EGF: variants seen among roughly 807,000 people sequenced by gnomAD.
EGF encodes the protein pro-epidermal growth factor.
EGF carries 95 observed loss-of-function variants against 143.8 expected under a neutral mutation model. That is an observed-to-expected ratio of 0.66 (90% CI 0.56 to 0.78). EGF has a LOEUF of 0.78. EGF is among the 30% of genes least tolerant of loss of function. The pLI is 0.00. For missense variants in EGF, 1,320 were observed against 1,470.9 expected, an observed-to-expected ratio of 0.90 and a Z score of 1.68; for synonymous variants, 510 against 510.5, an observed-to-expected ratio of 1.00 and a Z score of 0.01.
chr4:109,984,992 A>G (rs1171946080), intron 16 of EGF, among the ~76,000 whole-genome samples: 1 of 152,190 alleles, frequency 6.6e-6, no homozygotes. Flanking sequence ...AAAGAATAAA[A>G]TACTTTAAAC....
intron 22 of EGF, among the ~76,000 whole-genome samples, chr4:110,006,521 G>A (rs374680467): frequency 9.2e-5 from 14 of 152,196 alleles, no homozygotes; most frequent in Non-Finnish European, 1.8e-4. Context: ...TTCCACAAGT[G>A]TGTGATTCTA....
At chr4:110,010,528 G>T (rs2126204407) in intron 23 of EGF, among the ~76,000 whole-genome samples, 1 of 152,168 alleles carries the variant, frequency 6.6e-6, no homozygotes, top group African/African-American at 2.4e-5. Context: ...ATGGCTCATT[G>T]CTGTCTTGGC....
rs1452014210 is a variant in EGF at position 109,988,088 on chromosome 4, T to C, written c.2608+228T>C. On this transcript the variant is annotated intron_variant, in intron 17 of 23. Transcript: ENST00000265171. Reference sequence around the variant, plus strand: ...TATAGTAAAATTTATGGTTACACAATATATGCAGTTGTCATTAAGGGGAAG... The same window carrying C: ...TATAGTAAAATTTATGGTTACACAACATATGCAGTTGTCATTAAGGGGAAG... Among the ~76,000 whole-genome samples, 5 of 152,198 alleles carry C rather than the reference T, an allele frequency of 3.3e-5. No homozygotes were observed. The East Asian group carries it at 9.6e-4, about 29-fold the overall frequency.
At position 110,013,625 on chromosome 4, in the gene EGF, A is replaced by T. The variant is rs1174901018; in HGVS notation, c.*2170A>T. ...CTTGATTTGTGTTTTTTCCAGACTG[A>T]ATACTTTTCCTCCCTAACTCTCATC... On this transcript the variant is annotated 3_prime_UTR_variant, in exon 24 of 24. Coordinates refer to ENST00000265171, the MANE Select transcript of EGF (RefSeq NM_001963.6). 1.3e-5 allele frequency among the ~76,000 whole-genome samples: 2 copies of T among 152,108 alleles called. No homozygotes were observed. Among genetic ancestry groups the T allele is most frequent in the Non-Finnish European group, 2.9e-5 (2 of 68,038 alleles).
At chr4:109,935,628 T>C (rs191082550) in intron 1 of EGF, among the ~76,000 whole-genome samples, 256 of 152,348 alleles carry the variant, frequency 1.7e-3, no homozygotes, top group African/African-American at 5.8e-3. Flanking sequence ...CCTTGTCTTA[T>C]ACCAGTGTTC....
At chr4:110,008,852 C>T (rs575819709) in intron 23 of EGF, among the ~76,000 whole-genome samples, 2 of 152,250 alleles carry the variant, frequency 1.3e-5, no homozygotes, top group South Asian at 2.1e-4. Context: ...TATGATCAGC[C>T]TTTTGGTTTT....
At chr4:110,008,266 T>G in intron 23 of EGF, 36 bp downstream of exon 23, 1 of 1,611,878 alleles carries the variant, frequency 6.2e-7, no homozygotes, top group Non-Finnish European at 8.5e-7. Flanking sequence ...TGAATGGTTA[T>G]TTTTACTTAG....
intron 12 of EGF, 35 bp from the exon 13 acceptor site, chr4:109,975,977 C>A: frequency 1.3e-6 from 2 of 1,571,010 alleles, no homozygotes; most frequent in Non-Finnish European, 1.8e-6. Context: ...TTATTTCATG[C>A]AGATATTATT....
intron 6 of EGF, among the ~76,000 whole-genome samples, chr4:109,960,219 A>G (rs1268338560): frequency 6.6e-6 from 1 of 152,228 alleles, no homozygotes; most frequent in Non-Finnish European, 1.5e-5. Context: ...GTTGAAGAGC[A>G]CAATAGGAAA....
chr4:109,982,054 G>A (rs189001608), intron 15 of EGF, among the ~76,000 whole-genome samples: 2 of 151,706 alleles, frequency 1.3e-5, no homozygotes, highest in South Asian at 2.1e-4. Flanking sequence ...CCCTACCTTA[G>A]CCTCCTAGTA....
intron 5 of EGF, among the ~76,000 whole-genome samples, chr4:109,956,967 A>G (rs988694260): frequency 7.9e-5 from 12 of 152,262 alleles, no homozygotes; most frequent in African/African-American, 2.2e-4. Flanking sequence ...GCCTCCTGAC[A>G]TCATAATCAC....
In EGF at chr4:110,011,710, G is replaced by A. The variant is rs1578423648; in HGVS notation, c.*255G>A. The A allele has an allele frequency of 1.8e-6, 1 of 540,750 alleles. No individual in the cohort carries two copies. The highest frequency in any genetic ancestry group is 3.4e-5 in the East Asian group (1 of 29,678). 33.5% of individuals were successfully genotyped at this position (540,750 alleles called of 1,614,324 possible). A position where few individuals can be genotyped will look rare whatever the true frequency, so the allele number is the denominator to read the frequency against. ...ATTAGAAACCCAAATTGGGACAACA[G>A]TGCTTTGTAAATTGTGTTGTCTTCA... On this transcript the variant is annotated 3_prime_UTR_variant, in exon 24 of 24. Transcript: ENST00000265171.
intron 5 of EGF, among the ~76,000 whole-genome samples, chr4:109,949,547 T>C (rs1265098818): frequency 1.3e-5 from 2 of 152,180 alleles, no homozygotes; most frequent in African/African-American, 4.8e-5. Flanking sequence ...ACAACCCATG[T>C]CATTTTTCTG....
intron 1 of EGF, among the ~76,000 whole-genome samples, chr4:109,928,201 T>G (rs894447567): frequency 6.6e-6 from 1 of 152,164 alleles, no homozygotes; most frequent in Admixed American, 6.5e-5. Flanking sequence ...AGGCCAGTCT[T>G]TTTCAACAAA....
chr4:109,939,369 G>T (rs114551934), intron 1 of EGF, among the ~76,000 whole-genome samples: 3,535 of 152,360 alleles, frequency 0.023, 132 homozygotes, highest in African/African-American at 0.079. Context: ...GAACATCCGG[G>T]CCTGCTGGTT....
intron 1 of EGF, among the ~76,000 whole-genome samples, chr4:109,930,966 T>C (rs147634714): frequency 1.3e-5 from 2 of 151,982 alleles, no homozygotes; most frequent in South Asian, 2.1e-4. Context: ...TTAAGGTTTG[T>C]GTTCCCTAGA....
intron 1 of EGF, among the ~76,000 whole-genome samples, chr4:109,931,662 A>G (rs1739724680): frequency 6.6e-6 from 1 of 152,230 alleles, no homozygotes; most frequent in South Asian, 2.1e-4. Context: ...AAAAAAAAGA[A>G]AAAAGAAAAA....
intron 19 of EGF, 144 bp from the exon 20 acceptor site, chr4:109,994,589 G>A: frequency 1.0e-6 from 1 of 969,146 alleles, no homozygotes; most frequent in Non-Finnish European, 1.6e-6. Flanking sequence ...AGCTAGGAAA[G>A]TGAAACTATT....
chr4:109,936,038 T>C (rs1398344095), intron 1 of EGF, among the ~76,000 whole-genome samples: 1 of 152,216 alleles, frequency 6.6e-6, no homozygotes, highest in African/African-American at 2.4e-5. Context: ...CAGGCTTTGA[T>C]ATCAGGATGA....
Sources: gnomAD v4.1 joint callset for allele counts (sites outside exome capture counted in the v4.1 genomes callset) on GRCh38, gnomAD v4.1.1 for gene constraint, MANE v1.5 for transcripts, NCBI Gene and HGNC (gene_info 2026-07-23, HGNC 2026-07-21) for gene names.